COL19A1: variants seen among roughly 807,000 people sequenced by gnomAD.
COL19A1 encodes the protein collagen type XIX alpha 1 chain.
In COL19A1, 159 loss-of-function variants were observed where a neutral mutation model predicts 190.2. The observed-to-expected ratio is 0.84, with a 90% CI of 0.73 to 0.95. The LOEUF (loss-of-function observed/expected upper bound fraction) is 0.95. Ranked by LOEUF, COL19A1 falls within the 40% of genes least tolerant of loss-of-function variation. The pLI, the probability that COL19A1 is intolerant of heterozygous loss-of-function variation, is 0.00. For synonymous variants in COL19A1, 509 were observed against 458.9 expected (o/e 1.11, Z -1.39); for missense variants, 1,418 against 1,431.9 (o/e 0.99, Z 0.16).
At chr6:70,144,481 T>C (rs747253558) in intron 24 of COL19A1, among the ~76,000 whole-genome samples, 3 of 152,126 alleles carry the variant, frequency 2.0e-5, no homozygotes, top group Non-Finnish European at 4.4e-5. Flanking sequence ...GATGAAGATA[T>C]CAGGAGTCTG....
chr6:70,154,567 G>A (rs1052840185), intron 31 of COL19A1, among the ~76,000 whole-genome samples: 1 of 152,116 alleles, frequency 6.6e-6, no homozygotes, highest in Non-Finnish European at 1.5e-5. Context: ...TAGTATATAT[G>A]TATATATGAA....
intron 16 of COL19A1, among the ~76,000 whole-genome samples, chr6:70,110,294 T>C (rs1341866592): frequency 6.6e-6 from 1 of 152,176 alleles, no homozygotes. Context: ...CAGGGCTTAG[T>C]CATGTTGCTC....
At chr6:69,978,256 G>GAGAGAGAGAA (rs1045216609) in intron 11 of COL19A1, among the ~76,000 whole-genome samples, 1 of 152,030 alleles carries the variant, frequency 6.6e-6, no homozygotes, top group Non-Finnish European at 1.5e-5. Flanking sequence ...TACATATATA[G>GAGAGAGAGAA]AGAGAGAGAA....
chr6:70,085,247 T>G (rs1782510013), intron 15 of COL19A1, among the ~76,000 whole-genome samples: 1 of 152,322 alleles, frequency 6.6e-6, no homozygotes, highest in Non-Finnish European at 1.5e-5. Context: ...GAAGTGTGAC[T>G]AGCCAGTGGG....
rs568171285 is a variant in COL19A1 at position 69,896,758 on chromosome 6, C to T, written c.92-2190C>T. On this transcript the variant is annotated intron_variant, in intron 2 of 50. Transcript: ENST00000620364. ...TAACTAATGATGTTGAGCACCTTCTCATATGTGGGTTGAACATTTGGATAT... is the reference window on the plus strand; with the variant it reads ...TAACTAATGATGTTGAGCACCTTCTTATATGTGGGTTGAACATTTGGATAT... Among the ~76,000 whole-genome samples the T allele has an allele frequency of 1.7e-3, 254 of 152,212 alleles. 1 individual carries two copies. The highest frequency in any genetic ancestry group is 3.2e-3 in the Non-Finnish European group (216 of 68,000).
At chr6:69,876,949 A>G (rs761106161) in intron 1 of COL19A1, among the ~76,000 whole-genome samples, 1 of 152,210 alleles carries the variant, frequency 6.6e-6, no homozygotes, top group Non-Finnish European at 1.5e-5. Flanking sequence ...TAATATTGCA[A>G]TTGCCACTTC....
chr6:70,009,697 C>T (rs1777863261), intron 11 of COL19A1, among the ~76,000 whole-genome samples: 1 of 138,508 alleles, frequency 7.2e-6, no homozygotes, highest in Admixed American at 6.8e-5. Flanking sequence ...CAACATTTAT[C>T]ATAATGATAA....
At chr6:69,929,361 G>T (rs1046577518) in intron 5 of COL19A1, 64 bp from the exon 6 acceptor site, 16 of 1,492,626 alleles carry the variant, frequency 1.1e-5, no homozygotes, top group African/African-American at 1.4e-5. Context: ...GCTTTTCTTT[G>T]TGTGCTTTAA....
intron 2 of COL19A1, among the ~76,000 whole-genome samples, chr6:69,883,734 G>A (rs1314111076): frequency 6.6e-6 from 1 of 152,138 alleles, no homozygotes; most frequent in Admixed American, 6.5e-5. Context: ...TATTACCCAA[G>A]GAATGACCTC....
chr6:69,971,825 G>A (rs553225934), intron 11 of COL19A1, among the ~76,000 whole-genome samples: 7 of 152,172 alleles, frequency 4.6e-5, no homozygotes, highest in Admixed American at 3.3e-4. Context: ...TCACCAAACC[G>A]TAATCATTAG....
At chr6:69,913,134 G>A (rs936624042) in intron 4 of COL19A1, among the ~76,000 whole-genome samples, 15 of 152,182 alleles carry the variant, frequency 9.9e-5, no homozygotes, top group African/African-American at 3.4e-4. Context: ...AATTCTCTCT[G>A]TTATCCTCAA....
chr6:70,122,588 T>C (rs1027258248), intron 17 of COL19A1, among the ~76,000 whole-genome samples: 3 of 152,208 alleles, frequency 2.0e-5, no homozygotes, highest in Non-Finnish European at 4.4e-5. Context: ...ATTTGGGGTC[T>C]GATCACTTTG....
intron 34 of COL19A1, among the ~76,000 whole-genome samples, chr6:70,158,413 T>A (rs1355858471): frequency 1.3e-5 from 2 of 152,052 alleles, no homozygotes; most frequent in Non-Finnish European, 2.9e-5. Context: ...GTACTCTAAG[T>A]GGAAAAGATA....
intron 17 of COL19A1, among the ~76,000 whole-genome samples, chr6:70,125,092 G>A (rs1325668488): frequency 8.7e-6 from 1 of 114,806 alleles, no homozygotes; most frequent in Non-Finnish European, 1.9e-5. Flanking sequence ...TCTGTTTTTG[G>A]ACACTGAGAT....
intron 18 of COL19A1, chr6:70,131,164 C>A: frequency 6.7e-6 from 2 of 299,198 alleles, no homozygotes; most frequent in Admixed American, 4.3e-5. Context: ...GTGAATGTGC[C>A]ATTGTCAGAA....
intron 40 of COL19A1, among the ~76,000 whole-genome samples, chr6:70,171,268 C>G (rs1765485300): frequency 6.6e-6 from 1 of 152,168 alleles, no homozygotes; most frequent in African/African-American, 2.4e-5. Flanking sequence ...CACCCCTTCC[C>G]TAATGCTTTT....
At chr6:69,938,374 G>T (rs1250187685) in intron 9 of COL19A1, among the ~76,000 whole-genome samples, 1 of 152,034 alleles carries the variant, frequency 6.6e-6, no homozygotes, top group Non-Finnish European at 1.5e-5. Flanking sequence ...AAGCAGAAAA[G>T]TCTATTTTCT....
chr6:69,900,353 AT>A lies in COL19A1; in HGVS notation c.266+19del. The A allele has an allele frequency of 7.6e-7, 1 of 1,314,610 alleles. No homozygotes were observed. Among genetic ancestry groups the A allele is most frequent in the Non-Finnish European group, 1.0e-6 (1 of 956,604 alleles). 81.4% of individuals were successfully genotyped at this position (1,314,610 alleles called of 1,614,324 possible). A position where few individuals can be genotyped will look rare whatever the true frequency, so the allele number is the denominator to read the frequency against. ...AGAGACACTATGTAAGTAAAAAATT[AT>A]TTTCTTTATGTTTAATAATACTTCA... On this transcript the variant is annotated intron_variant, in intron 4 of 50. Transcript: ENST00000620364.
At chr6:70,051,026 T>C (rs1440564441) in intron 14 of COL19A1, among the ~76,000 whole-genome samples, 2 of 152,110 alleles carry the variant, frequency 1.3e-5, no homozygotes, top group African/African-American at 2.4e-5. Context: ...CTTAGTAATA[T>C]GTAAGGGTCA....
Sources: gnomAD v4.1 joint callset for allele counts (sites outside exome capture counted in the v4.1 genomes callset) on GRCh38, gnomAD v4.1.1 for gene constraint, MANE v1.5 for transcripts, NCBI Gene and HGNC (gene_info 2026-07-23, HGNC 2026-07-21) for gene names.